CCDC171: variants seen among roughly 807,000 people sequenced by gnomAD.
CCDC171 encodes coiled-coil domain containing 171.
CCDC171 carries 177 observed loss-of-function variants against 168.2 expected under a neutral mutation model. The ratio of observed to expected loss-of-function variants is 1.05; its 90% CI spans 0.93 to 1.19. The LOEUF (loss-of-function observed/expected upper bound fraction) is 1.19, where lower values mean the gene tolerates loss of function less well. Ranked by LOEUF, CCDC171 falls within the 50% of genes most tolerant of loss-of-function variation. The probability of loss-of-function intolerance (pLI) is 0.00; values close to 1 mark genes in which losing one functional copy is unlikely to be tolerated. For missense variants in CCDC171, 1,991 were observed against 1,539.0 expected (o/e 1.29, Z -4.91); for synonymous variants, 687 against 540.8 (o/e 1.27, Z -3.75).
At chr9:15,670,720 CT>C (rs1210196111) in intron 9 of CCDC171, among the ~76,000 whole-genome samples, 2 of 152,070 alleles carry the variant, frequency 1.3e-5, no homozygotes, top group African/African-American at 4.8e-5. Context: ...GTTAACCCAT[CT>C]TTTTTTATAG....
intron 3 of CCDC171, among the ~76,000 whole-genome samples, chr9:15,994,723 A>G (rs764207961): frequency 5.9e-5 from 9 of 152,210 alleles, no homozygotes; most frequent in Non-Finnish European, 1.3e-4. Flanking sequence ...CAGTGTTAAC[A>G]ACGTCATCTC....
chr9:15,764,381 C>T (rs922225264), intron 18 of CCDC171, among the ~76,000 whole-genome samples: 4 of 152,128 alleles, frequency 2.6e-5, no homozygotes, highest in African/African-American at 9.7e-5. Flanking sequence ...AGATGAGGAA[C>T]AATGGTAGCT....
chr9:16,040,552 G>A (rs887997424), upstream of CCDC171, among the ~76,000 whole-genome samples: 2 of 152,184 alleles, frequency 1.3e-5, no homozygotes, highest in African/African-American at 4.8e-5. Context: ...GTGCCCAGTG[G>A]TGCAGGTCAC....
At chr9:15,651,049 C>A (rs950887445) in intron 7 of CCDC171, among the ~76,000 whole-genome samples, 5 of 152,056 alleles carry the variant, frequency 3.3e-5, no homozygotes, top group African/African-American at 1.2e-4. Flanking sequence ...ACTATCCTAA[C>A]TGTCATTCTA....
Position 15,687,144 on chromosome 9 carries a change from C to G in CCDC171, c.1216-8091C>G, listed in dbSNP as rs540360570. On this transcript the variant is annotated intron_variant, in intron 10 of 25. Transcript: ENST00000380701. Reference sequence around the variant, plus strand: ...TCACAAATATGTGAAAATTAGATAACACACTCCTAAATAACCAGCAAGTCT... The same window carrying G: ...TCACAAATATGTGAAAATTAGATAAGACACTCCTAAATAACCAGCAAGTCT... Among the ~76,000 whole-genome samples, 31 of 152,238 alleles carry G rather than the reference C, an allele frequency of 2.0e-4. 1 individual carries two copies. The South Asian group carries it at 5.8e-3, about 29-fold the overall frequency.
chr9:16,040,064 G>T (rs1448368090), upstream of CCDC171, among the ~76,000 whole-genome samples: 1 of 152,180 alleles, frequency 6.6e-6, no homozygotes, highest in Admixed American at 6.5e-5. Flanking sequence ...TCACAGAGTT[G>T]TTGTTAATGG....
chr9:16,043,477 A>G (rs1446245833), intron 1 of CCDC171, among the ~76,000 whole-genome samples: 2 of 152,200 alleles, frequency 1.3e-5, no homozygotes, highest in Non-Finnish European at 2.9e-5. Flanking sequence ...CAGGCCAGTT[A>G]TGAAGCAGAT....
At chr9:16,048,149 G>A (rs1225844518) in intron 1 of CCDC171, among the ~76,000 whole-genome samples, 4 of 152,224 alleles carry the variant, frequency 2.6e-5, no homozygotes, top group East Asian at 1.9e-4. Flanking sequence ...CTTGAGCTGC[G>A]TCCTCTGTAA....
At chr9:15,815,116 C>A (rs929500361) in intron 21 of CCDC171, among the ~76,000 whole-genome samples, 1 of 152,156 alleles carries the variant, frequency 6.6e-6, no homozygotes, top group Non-Finnish European at 1.5e-5. Context: ...TTCACACACC[C>A]CTTTTCATCA....
intron 6 of CCDC171, among the ~76,000 whole-genome samples, chr9:16,030,754 G>A (rs1833353136): frequency 6.6e-6 from 1 of 152,152 alleles, no homozygotes; most frequent in Non-Finnish European, 1.5e-5. Flanking sequence ...ATGGTTTGTG[G>A]TGGCGGCTCA....
intron 24 of CCDC171, among the ~76,000 whole-genome samples, chr9:15,880,998 C>T (rs1818567437): frequency 6.6e-6 from 1 of 152,142 alleles, no homozygotes; most frequent in South Asian, 2.1e-4. Flanking sequence ...CATCTAGCTA[C>T]TTGACAGGTA....
chr9:16,026,635 C>T (rs1013143657), intron 6 of CCDC171, among the ~76,000 whole-genome samples: 9 of 152,216 alleles, frequency 5.9e-5, no homozygotes, highest in African/African-American at 2.2e-4. Context: ...TCCCACAGGG[C>T]TGAGTAAGGA....
intron 7 of CCDC171, among the ~76,000 whole-genome samples, chr9:15,625,500 G>A (rs1234008423): frequency 2.6e-5 from 4 of 152,272 alleles, no homozygotes; most frequent in South Asian, 2.1e-4. Flanking sequence ...TGTATAAGGT[G>A]TAAGGAAGGG....
At chr9:15,625,164 T>A (rs1398066261) in intron 7 of CCDC171, among the ~76,000 whole-genome samples, 1 of 152,190 alleles carries the variant, frequency 6.6e-6, no homozygotes, top group Non-Finnish European at 1.5e-5. Context: ...GATGGGGTTG[T>A]TTGATTTTTT....
intron 25 of CCDC171, among the ~76,000 whole-genome samples, chr9:15,945,541 G>A (rs1828249358): frequency 7.0e-6 from 1 of 143,264 alleles, no homozygotes; most frequent in South Asian, 2.4e-4. Flanking sequence ...TCCAGCACCT[G>A]TTGTTTCCTG....
At chr9:15,676,733 C>T (rs932541568) in intron 9 of CCDC171, among the ~76,000 whole-genome samples, 4 of 152,066 alleles carry the variant, frequency 2.6e-5, no homozygotes, top group Non-Finnish European at 2.9e-5. Context: ...TTAAAACTTG[C>T]ATTCTGAAAG....
At chr9:16,108,900 A>T in the CCDC171 span, among the ~76,000 whole-genome samples, 1 of 152,166 alleles carries the variant, frequency 6.6e-6, no homozygotes, top group African/African-American at 2.4e-5. Context: ...TCTTTTCTTT[A>T]TATTAAAAAA....
chr9:15,844,466 C>A (rs889085640), intron 21 of CCDC171, among the ~76,000 whole-genome samples: 2 of 151,976 alleles, frequency 1.3e-5, no homozygotes, highest in African/African-American at 4.8e-5. Context: ...TGGTGTTTTA[C>A]ACACATCCCC....
intron 24 of CCDC171, among the ~76,000 whole-genome samples, chr9:15,879,547 C>G (rs191481817): frequency 7.5e-4 from 114 of 152,210 alleles, no homozygotes; most frequent in Admixed American, 1.4e-3. Context: ...TTCTAGCTAA[C>G]TATTTTTGTA....
Sources: allele counts gnomAD v4.1 joint callset (sites outside exome capture counted in the v4.1 genomes callset), GRCh38; gene constraint gnomAD v4.1.1; transcripts MANE v1.5; gene names NCBI Gene and HGNC (gene_info 2026-07-23, HGNC 2026-07-21).